Variants in FGGY observed in about 807,000 individuals in gnomAD.
FGGY encodes FGGY carbohydrate kinase domain-containing protein.
Under a neutral mutation model 71.3 loss-of-function variants are expected in FGGY, and 72 were observed. That is an observed-to-expected ratio of 1.01 (90% CI 0.84 to 1.23). The LOEUF is 1.23. Among genes scored for constraint, FGGY ranks in the 50% most tolerant of loss-of-function variants. The pLI is 0.00. For missense variants in FGGY, 668 were observed against 682.3 expected, an observed-to-expected ratio of 0.98 and a Z score of 0.23; for synonymous variants, 251 against 250.3, an observed-to-expected ratio of 1.00 and a Z score of -0.02.
chr1:59,419,048 G>A lies in FGGY; in HGVS notation c.555-37913G>A, dbSNP rs368887635. ...CTGAAAACTGGCTGTAGGAGCTATG[G>A]CTGTAGAGAAGGCTAGGAATAGAGA... On this transcript the variant is annotated intron_variant, in intron 5 of 15. Transcript: ENST00000303721. Among the ~76,000 whole-genome samples, 17 of 152,326 alleles carry A rather than the reference G, an allele frequency of 1.1e-4. 1 individual carries two copies. In the East Asian group the frequency reaches 1.5e-3, roughly 14 times the overall value.
At chr1:59,370,782 C>A (rs2057469922) in intron 4 of FGGY, among the ~76,000 whole-genome samples, 2 of 151,048 alleles carry the variant, frequency 1.3e-5, no homozygotes. Context: ...ATTTTCAACC[C>A]AGAATTTCAT....
intron 14 of FGGY, among the ~76,000 whole-genome samples, chr1:59,687,320 C>T (rs1017740222): frequency 5.3e-5 from 8 of 152,322 alleles, no homozygotes; most frequent in African/African-American, 1.9e-4. Flanking sequence ...TCTATACTGA[C>T]ATTCCCTGTT....
intron 6 of FGGY, among the ~76,000 whole-genome samples, chr1:59,507,910 C>T (rs72915688): frequency 3.9e-5 from 6 of 152,028 alleles, no homozygotes; most frequent in Non-Finnish European, 2.9e-5. Flanking sequence ...TGCCTGGCCA[C>T]GCCTGAAGCC....
At chr1:59,511,875 T>A (rs1359240028) in intron 6 of FGGY, among the ~76,000 whole-genome samples, 3 of 152,224 alleles carry the variant, frequency 2.0e-5, no homozygotes, top group African/African-American at 7.2e-5. Context: ...TAAGTTTTCT[T>A]GACTTAGGAA....
intron 7 of FGGY, among the ~76,000 whole-genome samples, chr1:59,540,372 A>G (rs543555562): frequency 6.6e-6 from 1 of 152,352 alleles, no homozygotes; most frequent in African/African-American, 2.4e-5. Context: ...TGTTTGGTAT[A>G]TTCGTGGAGT....
intron 5 of FGGY, among the ~76,000 whole-genome samples, chr1:59,380,409 C>A (rs1300966579): frequency 3.3e-5 from 5 of 151,566 alleles, no homozygotes; most frequent in East Asian, 3.8e-4. Flanking sequence ...TACAGTCCCA[C>A]CAACAGTGTA....
chr1:59,422,747 GTTA>G (rs1345787594), intron 5 of FGGY, among the ~76,000 whole-genome samples: 2 of 151,348 alleles, frequency 1.3e-5, no homozygotes, highest in African/African-American at 4.9e-5. Flanking sequence ...CCATATAGCA[GTTA>G]TTATATAAGC....
chr1:59,719,814 G>A (rs2097873147), intron 14 of FGGY, among the ~76,000 whole-genome samples: 2 of 152,120 alleles, frequency 1.3e-5, no homozygotes. Context: ...AATTATAATT[G>A]TCATTTTAGA....
chr1:59,535,144 T>A (rs61787022), intron 7 of FGGY, among the ~76,000 whole-genome samples: 3,346 of 151,870 alleles, frequency 0.022, 75 homozygotes, highest in Non-Finnish European at 0.035. Flanking sequence ...AAGATCTACC[T>A]AGCAAATGGA....
chr1:59,409,871 G>A (rs2153424077), intron 5 of FGGY, among the ~76,000 whole-genome samples: 1 of 152,258 alleles, frequency 6.6e-6, no homozygotes, highest in African/African-American at 2.4e-5. Flanking sequence ...ATGCATCTAT[G>A]TAGTGCACAT....
At chr1:59,352,790 G>A (rs1047850729) in intron 4 of FGGY, among the ~76,000 whole-genome samples, 2 of 151,994 alleles carry the variant, frequency 1.3e-5, no homozygotes, top group East Asian at 3.9e-4. Context: ...AACCTTATTT[G>A]GCCTTATTTT....
intron 2 of FGGY, among the ~76,000 whole-genome samples, chr1:59,332,252 G>T (rs764340199): frequency 6.6e-6 from 1 of 152,206 alleles, no homozygotes; most frequent in African/African-American, 2.4e-5. Flanking sequence ...ACCAAATGAG[G>T]TTGCAGAAAT....
intron 14 of FGGY, among the ~76,000 whole-genome samples, chr1:59,739,017 G>C (rs2101172481): frequency 6.6e-6 from 1 of 152,322 alleles, no homozygotes; most frequent in African/African-American, 2.4e-5. Context: ...GTCAGGTACT[G>C]CCTTGAAGGG....
chr1:59,568,985 A>G (rs2095930861), intron 8 of FGGY, among the ~76,000 whole-genome samples: 2 of 152,224 alleles, frequency 1.3e-5, no homozygotes, highest in South Asian at 4.1e-4. Flanking sequence ...AAAGAAAAAA[A>G]TACTCAGAAA....
intron 4 of FGGY, among the ~76,000 whole-genome samples, chr1:59,368,679 G>A (rs537198033): frequency 2.0e-4 from 31 of 152,350 alleles, no homozygotes; most frequent in African/African-American, 6.7e-4. Context: ...CAGAGAGGAG[G>A]AGGGACAGAG....
At chr1:59,686,909 A>G (rs1558799011) in intron 14 of FGGY, among the ~76,000 whole-genome samples, 1 of 152,262 alleles carries the variant, frequency 6.6e-6, no homozygotes, top group Admixed American at 6.5e-5. Context: ...TATTTGGCAC[A>G]GTTGCTAGTA....
At chr1:59,760,812 G>A (rs1425868866) in intron 15 of FGGY, among the ~76,000 whole-genome samples, 1 of 152,144 alleles carries the variant, frequency 6.6e-6, no homozygotes, top group Non-Finnish European at 1.5e-5. Flanking sequence ...GCTCACCTTA[G>A]CTCCCTTCTA....
intron 14 of FGGY, among the ~76,000 whole-genome samples, chr1:59,722,791 TTTTTG>T (rs891629562): frequency 6.6e-5 from 10 of 152,290 alleles, no homozygotes; most frequent in African/African-American, 2.4e-4. Flanking sequence ...CTGATTCTTT[TTTTTG>T]TTTTGTTTTG....
At chr1:59,499,295 G>GTTTTTTTTTTT (rs1558134095) in intron 6 of FGGY, among the ~76,000 whole-genome samples, 63 of 70,088 alleles carry the variant, frequency 9.0e-4, no homozygotes, top group African/African-American at 4.5e-3. Context: ...TGTATACTAT[G>GTTTTTTTTTTT]TTTGTTTTTT....
Sources: gnomAD v4.1 joint callset for allele counts (sites outside exome capture counted in the v4.1 genomes callset) on GRCh38, gnomAD v4.1.1 for gene constraint, MANE v1.5 for transcripts, NCBI Gene and HGNC (gene_info 2026-07-23, HGNC 2026-07-21) for gene names.